The following XRN2 variants were observed in gnomAD, a reference collection of about 807,000 sequenced individuals.
XRN2 encodes DHM1-like protein.
Under a neutral mutation model 138.5 loss-of-function variants are expected in XRN2, and 44 were observed. The ratio of observed to expected loss-of-function variants is 0.32; its 90% CI spans 0.25 to 0.41. The LOEUF (loss-of-function observed/expected upper bound fraction) is 0.41. Among genes scored for constraint, XRN2 ranks in the 10% least tolerant of loss-of-function variants. The pLI, the probability that XRN2 is intolerant of heterozygous loss-of-function variation, is 1.00. For synonymous variants in XRN2, 354 were observed against 369.4 expected (o/e 0.96, Z 0.48); for missense variants, 937 against 1,169.3 (o/e 0.80, Z 2.90).
chr20:21,350,351 A>C (rs995874744), intron 20 of XRN2, among the ~76,000 whole-genome samples: 7 of 151,806 alleles, frequency 4.6e-5, no homozygotes, highest in African/African-American at 7.3e-5. Flanking sequence ...ACAGTGAAAC[A>C]CCGTCTCTAC....
intron 27 of XRN2, among the ~76,000 whole-genome samples, chr20:21,372,904 A>G (rs1400672982): frequency 6.6e-6 from 1 of 152,158 alleles, no homozygotes; most frequent in Non-Finnish European, 1.5e-5. Context: ...ATTACCTAAT[A>G]GTTTAAAAAG....
At chr20:21,342,987 G>GT (rs1202811382) in intron 15 of XRN2, among the ~76,000 whole-genome samples, 1 of 151,890 alleles carries the variant, frequency 6.6e-6, no homozygotes, top group Non-Finnish European at 1.5e-5. Flanking sequence ...TTGACATTAT[G>GT]TTTTTAAAAG....
At chr20:21,384,469 G>A (rs1416175106) in intron 28 of XRN2, among the ~76,000 whole-genome samples, 1 of 152,118 alleles carries the variant, frequency 6.6e-6, no homozygotes. Flanking sequence ...GCTCAAATAA[G>A]TTGCCTTATT....
chr20:21,368,347 T>A (rs2038725557), intron 26 of XRN2, 116 bp from the exon 27 acceptor site: 6 of 1,291,736 alleles, frequency 4.6e-6, no homozygotes, highest in Non-Finnish European at 5.3e-6. Flanking sequence ...TGTATTATCT[T>A]AATCAGATCT....
chr20:21,382,374 G>T (rs2038895436), intron 28 of XRN2, among the ~76,000 whole-genome samples: 1 of 152,154 alleles, frequency 6.6e-6, no homozygotes, highest in Non-Finnish European at 1.5e-5. Flanking sequence ...TTTTAGAAGG[G>T]TTGTGCAGCT....
At chr20:21,373,300 G>A (rs753020982) in intron 27 of XRN2, among the ~76,000 whole-genome samples, 1 of 152,306 alleles carries the variant, frequency 6.6e-6, no homozygotes, top group South Asian at 2.1e-4. Context: ...GAGCCACCGC[G>A]CCCAGCAGTT....
rs556903167 is a variant in XRN2 at position 21,308,139 on chromosome 20, G to A, written c.75+4666G>A. 7.5e-4 allele frequency among the ~76,000 whole-genome samples: 108 copies of A among 144,946 alleles called. 47 individuals carry two copies. The Middle Eastern group carries it at 0.028, about 37-fold the overall frequency. Reference sequence around the variant, plus strand: ...TTTAGTAGAGATGGAGTTTCACCATGTTGGCCAGGCTGGTCTTGAACTCCT... The same window carrying A: ...TTTAGTAGAGATGGAGTTTCACCATATTGGCCAGGCTGGTCTTGAACTCCT... On this transcript the variant is annotated intron_variant, in intron 1 of 29. Transcript: ENST00000377191.
At chr20:21,331,971 T>G (rs987065469) in intron 8 of XRN2, among the ~76,000 whole-genome samples, 153 bp downstream of exon 8, 1 of 152,184 alleles carries the variant, frequency 6.6e-6, no homozygotes, top group African/African-American at 2.4e-5. Context: ...GAGTTGCTGT[T>G]TAATCTGTGG....
chr20:21,387,053 A>G (rs752762219), intron 29 of XRN2, 47 bp downstream of exon 29: 167 of 1,570,242 alleles, frequency 1.1e-4, no homozygotes, highest in Non-Finnish European at 1.4e-4. Context: ...TTATATTTCA[A>G]CAAGCCTCAC....
chr20:21,349,447 A>C lies in XRN2; in HGVS notation c.1922A>C (p.Lys641Thr), dbSNP rs779558154. 3.7e-6 allele frequency: 6 copies of C among 1,606,996 alleles called. No homozygotes were observed. ...EDFAIDLNGK[K>T]YAWQGVALLP... ...TTTGCTATTGATTTGAATGGGAAGA[A>C]ATATGCATGGCAAGGTAAAATTTAG... The change falls in exon 20 of 30, where the codon AAA becomes ACA. Residue 641 changes from lysine (K) to threonine (T), a missense_variant. Lys to Thr is a moderately conservative substitution (Grantham distance 78). This residue lies in a region of XRN2 where 372 missense variants were observed against 414.4 expected (regional missense o/e 0.90). Transcript: ENST00000377191.
chr20:21,320,111 C>T (rs1357117153), intron 1 of XRN2, among the ~76,000 whole-genome samples: 1 of 152,108 alleles, frequency 6.6e-6, no homozygotes, highest in Non-Finnish European at 1.5e-5. Flanking sequence ...ATAATTCTCT[C>T]AGCTTTTTAT....
chr20:21,361,208 G>T (rs2038633506), intron 24 of XRN2, among the ~76,000 whole-genome samples: 1 of 152,178 alleles, frequency 6.6e-6, no homozygotes, highest in South Asian at 2.1e-4. Flanking sequence ...GCTACTTGTG[G>T]TATAAATAAA....
chr20:21,370,282 G>T (rs575481936), intron 27 of XRN2, among the ~76,000 whole-genome samples: 26 of 152,250 alleles, frequency 1.7e-4, no homozygotes, highest in African/African-American at 6.3e-4. Context: ...TTGAAGTCAG[G>T]TAATGTGATT....
chr20:21,332,501 A>G lies in XRN2; in HGVS notation c.858+61A>G, dbSNP rs568421982. 5.3e-5 allele frequency: 77 copies of G among 1,456,912 alleles called. No individual in the cohort carries two copies. The East Asian group carries it at 1.7e-3, about 32-fold the overall frequency. 90.2% of individuals were successfully genotyped at this position (1,456,912 alleles called of 1,614,324 possible). A position where few individuals can be genotyped will look rare whatever the true frequency, so the allele number is the denominator to read the frequency against. On this transcript the variant is annotated intron_variant, in intron 9 of 29. Coordinates refer to ENST00000377191, the MANE Select transcript of XRN2 (RefSeq NM_012255.5). ...AAAAAAATCTATTGTGGTAAAATGT[A>G]TATGACATAAAATATCATTTCAACC...
At chr20:21,314,680 T>G (rs866247318) in intron 1 of XRN2, among the ~76,000 whole-genome samples, 2 of 152,182 alleles carry the variant, frequency 1.3e-5, no homozygotes, top group Admixed American at 6.5e-5. Flanking sequence ...GAGATGGGGT[T>G]TCTCTGTGTT....
intron 24 of XRN2, among the ~76,000 whole-genome samples, chr20:21,364,923 TTTG>T (rs767964099): frequency 6.6e-6 from 1 of 152,190 alleles, no homozygotes; most frequent in Non-Finnish European, 1.5e-5. Context: ...TTTAATTTTT[TTTG>T]TTAAGTCCAT....
chr20:21,371,262 G>T lies in XRN2; in HGVS notation c.2584+2672G>T, dbSNP rs1459913849. ...TGGATGTAGTACCCAAGAAGAAATT[G>T]GTTCTATAGGTCTTACTCTTTCAGG... On this transcript the variant is annotated intron_variant, in intron 27 of 29. Coordinates refer to ENST00000377191, the MANE Select transcript of XRN2 (RefSeq NM_012255.5). Among the ~76,000 whole-genome samples, 3 of 152,142 alleles carry T rather than the reference G, an allele frequency of 2.0e-5. No individual in the cohort carries two copies. In the East Asian group the frequency reaches 5.8e-4, roughly 29 times the overall value.
At chr20:21,366,163 TTATATAA>T (rs1421516544) in intron 26 of XRN2, among the ~76,000 whole-genome samples, 2 of 107,808 alleles carry the variant, frequency 1.9e-5, no homozygotes, top group Non-Finnish European at 3.6e-5. Context: ...TATTTATAGT[TTATATAA>T]TATATATAAA....
At chr20:21,317,350 A>G (rs1478838149) in intron 1 of XRN2, among the ~76,000 whole-genome samples, 4 of 151,680 alleles carry the variant, frequency 2.6e-5, no homozygotes, top group South Asian at 4.1e-4. Flanking sequence ...CGCTTTTTCT[A>G]TATGAAGATG....
Sources: gnomAD v4.1 joint callset for allele counts (sites outside exome capture counted in the v4.1 genomes callset) on GRCh38, gnomAD v4.1.1 for gene constraint, gnomAD v4.1.1 regional missense constraint, MANE v1.5 for transcripts, NCBI Gene and HGNC (gene_info 2026-07-23, HGNC 2026-07-21) for gene names.